The following THSD4 variants were observed in gnomAD, a reference collection of about 807,000 sequenced individuals.
THSD4 encodes the protein thrombospondin type-1 domain-containing protein 4.
THSD4 carries 69 observed loss-of-function variants against 119.0 expected under a neutral mutation model. The observed-to-expected ratio is 0.58, with a 90% confidence interval of 0.48 to 0.71. THSD4 has a LOEUF of 0.71. THSD4 is among the 30% of genes least tolerant of loss of function. The pLI is 0.00. For missense variants in THSD4, 1,393 were observed against 1,391.1 expected (o/e 1.00, Z -0.02); for synonymous variants, 524 against 540.4 (o/e 0.97, Z 0.42).
intron 6 of THSD4, among the ~76,000 whole-genome samples, chr15:71,275,844 A>G (rs542428010): frequency 2.6e-5 from 4 of 152,206 alleles, no homozygotes; most frequent in African/African-American, 9.6e-5. Flanking sequence ...CCACCGTGTG[A>G]GGAGGGCTGT....
rs2046797796 is a variant in THSD4, at chr15:71,420,889, TTAAGG to T, written c.1152+9071_1152+9075del. ...TAGGTTCATCTTTTAGTCTTTCTAC[TTAAGG>T]TAAGAGTGGTGGCCAGGTGCAGTGG... On this transcript the variant is annotated intron_variant, in intron 7 of 17. Transcript: ENST00000261862. 1.9e-5 allele frequency among the ~76,000 whole-genome samples: 2 copies of T among 105,596 alleles called. 1 individual carries two copies. Among genetic ancestry groups the T allele is most frequent in the Non-Finnish European group, 4.1e-5 (2 of 48,662 alleles). 69.3% of individuals were successfully genotyped at this position (105,596 alleles called of 152,430 possible). A position where few individuals can be genotyped will look rare whatever the true frequency, so the allele number is the denominator to read the frequency against.
At chr15:71,442,354 A>G (rs975899815) in intron 7 of THSD4, among the ~76,000 whole-genome samples, 5 of 151,156 alleles carry the variant, frequency 3.3e-5, no homozygotes, top group Non-Finnish European at 7.4e-5. Flanking sequence ...AGATCACCTG[A>G]GGTCAGGAGT....
chr15:71,372,011 C>T (rs140746088), intron 6 of THSD4, among the ~76,000 whole-genome samples: 3,968 of 152,272 alleles, frequency 0.026, 76 homozygotes, highest in Non-Finnish European at 0.036. Flanking sequence ...CTTCTCTTCT[C>T]GCTTCATTTC....
intron 1 of THSD4, among the ~76,000 whole-genome samples, chr15:71,118,067 G>A (rs2040378240): frequency 6.6e-6 from 1 of 152,096 alleles, no homozygotes. Flanking sequence ...ACTGGGCTTT[G>A]AAGCCTAAGG....
chr15:71,547,648 T>G, intron 7 of THSD4: 4 of 761,226 alleles, frequency 5.3e-6, no homozygotes, highest in South Asian at 4.6e-5. Flanking sequence ...TGAAGACTTC[T>G]TTTCTTCTTG....
chr15:71,134,871 A>G (rs190784040), intron 1 of THSD4, among the ~76,000 whole-genome samples: 2,795 of 151,980 alleles, frequency 0.018, 83 homozygotes, highest in African/African-American at 0.064. Context: ...TACTGGGTAT[A>G]TACCCAAATG....
intron 3 of THSD4, among the ~76,000 whole-genome samples, chr15:71,181,202 A>G (rs1296531440): frequency 3.9e-5 from 6 of 152,220 alleles, no homozygotes; most frequent in Admixed American, 6.5e-5. Context: ...TTCTAATGGC[A>G]TAAATATAAC....
chr15:71,490,415 C>T (rs2047897685), intron 7 of THSD4, among the ~76,000 whole-genome samples: 1 of 152,128 alleles, frequency 6.6e-6, no homozygotes, highest in Non-Finnish European at 1.5e-5. Flanking sequence ...GAAAAATTAG[C>T]CAGGCCTGGT....
intron 6 of THSD4, among the ~76,000 whole-genome samples, chr15:71,360,479 A>G (rs1282531106): frequency 6.6e-6 from 1 of 152,174 alleles, no homozygotes; most frequent in Non-Finnish European, 1.5e-5. Flanking sequence ...GGCCATCTTT[A>G]TAGGATAAAG....
chr15:71,600,628 A>G (rs1404702831), intron 7 of THSD4, among the ~76,000 whole-genome samples: 1 of 152,230 alleles, frequency 6.6e-6, no homozygotes, highest in Non-Finnish European at 1.5e-5. Flanking sequence ...CAATTAAAGT[A>G]GTAACAACAG....
intron 4 of THSD4, among the ~76,000 whole-genome samples, chr15:71,229,147 G>C (rs1387711284): frequency 2.0e-5 from 3 of 152,176 alleles, no homozygotes; most frequent in Admixed American, 6.5e-5. Context: ...AGTCACATTT[G>C]TTAATATCTG....
chr15:71,256,381 A>G (rs1284946977), intron 5 of THSD4, among the ~76,000 whole-genome samples: 1 of 151,966 alleles, frequency 6.6e-6, no homozygotes, highest in Non-Finnish European at 1.5e-5. Flanking sequence ...AGGCTGAGGC[A>G]GGAGAATCAC....
intron 7 of THSD4, chr15:71,547,675 C>A: frequency 1.5e-6 from 1 of 653,648 alleles, no homozygotes; most frequent in Non-Finnish European, 2.3e-6. Context: ...TTTATACTTT[C>A]TAAAATGTCA....
chr15:71,215,509 C>T (rs1193843865), intron 4 of THSD4, 110 bp downstream of exon 4: 3 of 1,136,336 alleles, frequency 2.6e-6, no homozygotes, highest in Non-Finnish European at 2.3e-6. Flanking sequence ...GCGACTAATG[C>T]ATTGCTCTGC....
intron 14 of THSD4, among the ~76,000 whole-genome samples, chr15:71,755,413 A>G (rs1296917103): frequency 6.6e-6 from 1 of 152,184 alleles, no homozygotes; most frequent in Non-Finnish European, 1.5e-5. Flanking sequence ...CCTTTTCTCA[A>G]TTTTTATTTA....
At chr15:71,632,087 A>C (rs939589184) in intron 7 of THSD4, among the ~76,000 whole-genome samples, 2 of 152,216 alleles carry the variant, frequency 1.3e-5, no homozygotes, top group Non-Finnish European at 2.9e-5. Context: ...CTGGCAGAAA[A>C]AGTGAATGAG....
At chr15:71,609,955 G>A (rs190602332) in intron 7 of THSD4, among the ~76,000 whole-genome samples, 1 of 152,106 alleles carries the variant, frequency 6.6e-6, no homozygotes, top group Non-Finnish European at 1.5e-5. Flanking sequence ...GAACTTGCTC[G>A]GGCATGCTTG....
chr15:71,719,860 G>A (rs1359428038), intron 8 of THSD4, among the ~76,000 whole-genome samples: 6 of 151,818 alleles, frequency 4.0e-5, no homozygotes, highest in Non-Finnish European at 8.8e-5. Context: ...ATTCTTTGTA[G>A]GGATGGGGTT....
intron 7 of THSD4, among the ~76,000 whole-genome samples, chr15:71,452,545 A>G (rs938036999): frequency 2.0e-5 from 3 of 150,464 alleles, no homozygotes; most frequent in African/African-American, 2.4e-5. Context: ...AAAAAAATTC[A>G]TATGTTAAAG....
Sources: gnomAD v4.1 joint callset for allele counts (sites outside exome capture counted in the v4.1 genomes callset) on GRCh38, gnomAD v4.1.1 for gene constraint, MANE v1.5 for transcripts, NCBI Gene and HGNC (gene_info 2026-07-23, HGNC 2026-07-21) for gene names.